PLEKHG1: variants seen among roughly 807,000 people sequenced by gnomAD.
PLEKHG1 encodes the protein pleckstrin homology and RhoGEF domain containing G1, also known as pleckstrin homology domain-containing family G member 1.
Under a neutral mutation model 100.8 loss-of-function variants are expected in PLEKHG1, and 44 were observed. That is an observed-to-expected ratio of 0.44 (90% confidence interval 0.34 to 0.56). The LOEUF is 0.56. PLEKHG1 is among the 20% of genes least tolerant of loss of function. PLEKHG1 has a pLI of 0.01. For synonymous variants in PLEKHG1, 640 were observed against 662.5 expected, an observed-to-expected ratio of 0.97 and a Z score of 0.52; for missense variants, 1,545 against 1,720.9, an observed-to-expected ratio of 0.90 and a Z score of 1.81.
chr6:150,654,650 A>G (rs1778892002), intron 3 of PLEKHG1, among the ~76,000 whole-genome samples: 1 of 152,248 alleles, frequency 6.6e-6, no homozygotes, highest in Admixed American at 6.5e-5. Flanking sequence ...AGGCATGCTC[A>G]AGAAGGAAAC....
At chr6:150,667,182 A>G (rs1012156432) in intron 3 of PLEKHG1, among the ~76,000 whole-genome samples, 2 of 152,172 alleles carry the variant, frequency 1.3e-5, no homozygotes, top group African/African-American at 4.8e-5. Flanking sequence ...CTAAACATAT[A>G]TTAGGGTTGG....
intron 3 of PLEKHG1, among the ~76,000 whole-genome samples, chr6:150,781,030 C>T (rs1454675654): frequency 1.3e-5 from 2 of 151,684 alleles, no homozygotes; most frequent in East Asian, 2.0e-4. Flanking sequence ...TGCGCCACCA[C>T]GCCCAGCTAA....
intron 1 of PLEKHG1, among the ~76,000 whole-genome samples, chr6:150,627,581 A>C (rs954869333): frequency 2.0e-5 from 3 of 152,190 alleles, no homozygotes; most frequent in Non-Finnish European, 1.5e-5. Flanking sequence ...GGGAAACTGC[A>C]CTTCTTTTTT....
intron 2 of PLEKHG1, among the ~76,000 whole-genome samples, chr6:150,645,740 G>T (rs562227279): frequency 1.3e-5 from 2 of 152,298 alleles, no homozygotes; most frequent in East Asian, 1.9e-4. Context: ...GTAGCACCAA[G>T]TGTTGGCCAT....
At chr6:150,616,653 G>T (rs148704341) in intron 1 of PLEKHG1, among the ~76,000 whole-genome samples, 4 of 152,314 alleles carry the variant, frequency 2.6e-5, no homozygotes, top group Non-Finnish European at 5.9e-5. Flanking sequence ...TTTGGCAAGG[G>T]TTGTTTACTG....
chr6:150,654,848 G>C (rs954689782), intron 3 of PLEKHG1, among the ~76,000 whole-genome samples: 18 of 152,234 alleles, frequency 1.2e-4, no homozygotes, highest in Non-Finnish European at 4.4e-5. Context: ...ACATTGCTAA[G>C]AATATAACCA....
intron 2 of PLEKHG1, among the ~76,000 whole-genome samples, chr6:150,739,541 G>C (rs537577715): frequency 2.0e-5 from 3 of 152,026 alleles, no homozygotes; most frequent in Non-Finnish European, 4.4e-5. Flanking sequence ...GGTGGTGCAT[G>C]CCTGTAGTCC....
chr6:150,605,061 T>C (rs1006118924), intron 1 of PLEKHG1, among the ~76,000 whole-genome samples: 5 of 152,228 alleles, frequency 3.3e-5, no homozygotes, highest in Non-Finnish European at 7.3e-5. Flanking sequence ...CTGCAGCCCT[T>C]CCTCATTTAT....
chr6:150,707,846 G>A (rs532646887), intron 3 of PLEKHG1, among the ~76,000 whole-genome samples: 181 of 152,118 alleles, frequency 1.2e-3, no homozygotes, highest in Middle Eastern at 0.01. Flanking sequence ...GATCAGACTT[G>A]GCCAGCTCAG....
At chr6:150,603,898 A>T (rs115532872) in intron 1 of PLEKHG1, among the ~76,000 whole-genome samples, 1 of 151,832 alleles carries the variant, frequency 6.6e-6, no homozygotes, top group South Asian at 2.1e-4. Flanking sequence ...ATGGTAGGCT[A>T]AGTTTTTTAA....
At chr6:150,648,935 A>G (rs1369251786) in intron 2 of PLEKHG1, among the ~76,000 whole-genome samples, 1 of 152,084 alleles carries the variant, frequency 6.6e-6, no homozygotes, top group Non-Finnish European at 1.5e-5. Flanking sequence ...TCCTCTAATA[A>G]TTCTAGTTTT....
intron 4 of PLEKHG1, among the ~76,000 whole-genome samples, chr6:150,789,584 G>A (rs1463837428): frequency 6.6e-6 from 1 of 152,222 alleles, no homozygotes; most frequent in Non-Finnish European, 1.5e-5. Context: ...CTGGCTAGGA[G>A]TAAGTCACTA....
At chr6:150,656,731 A>G (rs1374908485) in intron 3 of PLEKHG1, among the ~76,000 whole-genome samples, 1 of 152,236 alleles carries the variant, frequency 6.6e-6, no homozygotes, top group African/African-American at 2.4e-5. Context: ...ATGCAGATTT[A>G]AGGTCAACTA....
At chr6:150,801,178 A>T (rs192088189) in intron 6 of PLEKHG1, among the ~76,000 whole-genome samples, 6 of 152,282 alleles carry the variant, frequency 3.9e-5, no homozygotes, top group African/African-American at 1.2e-4. Context: ...CAGATTTTGT[A>T]ATGTTTCCAT....
exon 16 of PLEKHG1, chr6:150,840,331 A>G: frequency 6.2e-7 from 1 of 1,613,912 alleles, no homozygotes; most frequent in Non-Finnish European, 8.5e-7. Flanking sequence ...TCCATCAACT[A>G]CCCTAGTGAT....
At chr6:150,712,750 A>G (rs913239720) in intron 3 of PLEKHG1, among the ~76,000 whole-genome samples, 5 of 152,226 alleles carry the variant, frequency 3.3e-5, no homozygotes, top group African/African-American at 1.2e-4. Flanking sequence ...GTCAGCTTGG[A>G]TACCAAGTAA....
intron 13 of PLEKHG1, among the ~76,000 whole-genome samples, chr6:150,821,934 C>T (rs1776325053): frequency 1.3e-5 from 2 of 150,100 alleles, no homozygotes; most frequent in African/African-American, 4.9e-5. Context: ...CTCTGCCTCC[C>T]AGGTTCAAGT....
chr6:150,725,271 C>T (rs950682083), intron 1 of PLEKHG1, among the ~76,000 whole-genome samples: 19 of 152,106 alleles, frequency 1.2e-4, no homozygotes, highest in Non-Finnish European at 2.4e-4. Flanking sequence ...CCCTCATGAC[C>T]TAATCATCTC....
chr6:150,763,488 A>C (rs1223046692), intron 2 of PLEKHG1, among the ~76,000 whole-genome samples: 1 of 152,224 alleles, frequency 6.6e-6, no homozygotes, highest in Non-Finnish European at 1.5e-5. Flanking sequence ...GATCTGGATT[A>C]ACTAGGCCAA....
Sources: gnomAD v4.1 joint callset for allele counts (sites outside exome capture counted in the v4.1 genomes callset) on GRCh38, gnomAD v4.1.1 for gene constraint, MANE v1.5 for transcripts, NCBI Gene and HGNC (gene_info 2026-07-23, HGNC 2026-07-21) for gene names.